The following SLC26A11 variants were observed in gnomAD, a reference collection of about 807,000 sequenced individuals.
SLC26A11 encodes sodium-independent sulfate anion transporter.
SLC26A11 carries 58 observed loss-of-function variants against 62.2 expected under a neutral mutation model. That is an observed-to-expected ratio of 0.93 (90% CI 0.76 to 1.16). The LOEUF is 1.16. SLC26A11 is among the 50% of genes most tolerant of loss of function. The pLI is 0.00. For missense variants in SLC26A11, 790 were observed against 794.3 expected (o/e 0.99, Z 0.06); for synonymous variants, 411 against 368.9 (o/e 1.11, Z -1.31).
At chr17:80,220,846 C>G (rs1046104768) in intron 1 of SLC26A11, 70 bp from the exon 2 acceptor site, 2 of 153,326 alleles carry the variant, frequency 1.3e-5, no homozygotes, top group African/African-American at 4.8e-5. Flanking sequence ...GGCGGCTCTG[C>G]GCGCGGGCGC....
chr17:80,229,981 A>G (rs952088094), intron 7 of SLC26A11, among the ~76,000 whole-genome samples: 22 of 152,088 alleles, frequency 1.4e-4, no homozygotes, highest in Non-Finnish European at 3.2e-4. Flanking sequence ...AGGGAGGCAG[A>G]TCACCTGAGG....
Position 80,227,891 on chromosome 17 carries a change from C to G in SLC26A11, c.667C>G (p.Pro223Ala). ...GCTGAAGCTGATGCGGGACCACGTGCCTCCCGTCCACCCCGAGATGCCCCC... is the reference window on the plus strand; with the variant it reads ...GCTGAAGCTGATGCGGGACCACGTGGCTCCCGTCCACCCCGAGATGCCCCC... ...LVLKLMRDHVPPVHPEMPPGV... is the reference protein window; with the variant it reads ...LVLKLMRDHVAPVHPEMPPGV... The change falls in exon 7 of 18, where the codon CCT becomes GCT. Residue 223 changes from proline (P) to alanine (A), a missense_variant. Physicochemically the swap from Pro to Ala is conservative, Grantham distance 27 (BLOSUM62 -1). Coordinates refer to ENST00000361193, the MANE Select transcript of SLC26A11 (RefSeq NM_001166347.2). The G allele has an allele frequency of 1.2e-6, 2 of 1,601,942 alleles. No individual in the cohort carries two copies. The highest frequency in any genetic ancestry group is 2.7e-5 in the African/African-American group (2 of 75,004).
At position 80,222,651 on chromosome 17, in the gene SLC26A11, A is replaced by C; in HGVS notation, c.235-4A>C. On this transcript the variant is annotated splice_polypyrimidine_tract_variant and splice_region_variant and intron_variant, in intron 3 of 17. Transcript: ENST00000361193. This position sits in a 1 kb window ranked among gnomAD's most constrained non-coding sequence, Gnocchi z 4.7. Reference sequence around the variant, plus strand: ...TGAGTGCTCACCACCCTCTCTCCCCACAGTATGGCCTCTACTCTGCCTTCA... The same window carrying C: ...TGAGTGCTCACCACCCTCTCTCCCCCCAGTATGGCCTCTACTCTGCCTTCA... The C allele has an allele frequency of 6.2e-7, 1 of 1,613,230 alleles. No homozygotes were observed.
chr17:80,238,332 A>G (rs2042755608), intron 9 of SLC26A11, among the ~76,000 whole-genome samples: 1 of 152,190 alleles, frequency 6.6e-6, no homozygotes, highest in Admixed American at 6.5e-5. Context: ...CAGCCTGGGC[A>G]GCAGAACAAG....
At chr17:80,224,404 A>G (rs886910788) in intron 5 of SLC26A11, among the ~76,000 whole-genome samples, 3 of 124,888 alleles carry the variant, frequency 2.4e-5, no homozygotes, top group Non-Finnish European at 5.1e-5. Flanking sequence ...TATGAGTGTG[A>G]GAGTGAGTGT....
rs533069689 is a variant in SLC26A11 at position 80,224,370 on chromosome 17, AGT to A, written c.513+1035_513+1036del. 1.1e-3 allele frequency among the ~76,000 whole-genome samples: 111 copies of A among 97,748 alleles called. No homozygotes were observed. In the South Asian group the frequency reaches 0.027, roughly 24 times the overall value. The allele number at this position is 97,748 out of a possible 152,430, so 64.1% of individuals were successfully genotyped here. ...GTGGGTGTGGGTGTGAGGGAGTGTGAGTGCGCGCGCGCGTGTGTGAGTGTATG... is the reference window on the plus strand; with the variant it reads ...GTGGGTGTGGGTGTGAGGGAGTGTGAGCGCGCGCGCGTGTGTGAGTGTATG... On this transcript the variant is annotated intron_variant, in intron 5 of 17. Transcript: ENST00000361193.
chr17:80,247,433 C>T (rs2043036377), intron 13 of SLC26A11, among the ~76,000 whole-genome samples: 1 of 152,132 alleles, frequency 6.6e-6, no homozygotes, highest in Non-Finnish European at 1.5e-5. Context: ...GCAGAGGCGC[C>T]CCTCACCTCC....
chr17:80,241,957 G>T, intron 10 of SLC26A11, 136 bp downstream of exon 10: 1 of 935,884 alleles, frequency 1.1e-6, no homozygotes. Context: ...GGCCCCAGAT[G>T]GGATCTTCTG....
chr17:80,221,809 C>G lies in SLC26A11; in HGVS notation c.234+15C>G, dbSNP rs770297668. Reference sequence around the variant, plus strand: ...TCCCGCCCCAGGTGAGGCGTCTGACCCTGCTGCCAGCCATATCTCAGAAAC... The same window carrying G: ...TCCCGCCCCAGGTGAGGCGTCTGACGCTGCTGCCAGCCATATCTCAGAAAC... On this transcript the variant is annotated intron_variant, in intron 3 of 17. Transcript: ENST00000361193. The G allele has an allele frequency of 3.1e-6, 5 of 1,601,088 alleles. No individual in the cohort carries two copies. The African/African-American group carries it at 5.3e-5, about 17-fold the overall frequency.
At chr17:80,242,950 G>A (rs1211805708) in intron 10 of SLC26A11, among the ~76,000 whole-genome samples, 2 of 151,980 alleles carry the variant, frequency 1.3e-5, no homozygotes, top group African/African-American at 2.4e-5. Flanking sequence ...CTCGTGATCC[G>A]CCTGCCTTGG....
At chr17:80,242,377 T>C (rs148498619) in intron 10 of SLC26A11, among the ~76,000 whole-genome samples, 2 of 152,328 alleles carry the variant, frequency 1.3e-5, no homozygotes, top group Middle Eastern at 3.4e-3. Flanking sequence ...CTACCACTTA[T>C]TGAGCACCTG....
At chr17:80,221,865 A>C in intron 3 of SLC26A11, 71 bp downstream of exon 3, 1 of 1,411,902 alleles carries the variant, frequency 7.1e-7, no homozygotes, top group Non-Finnish European at 9.5e-7. Flanking sequence ...AATCCCAGAC[A>C]CCATCAGCGA....
chr17:80,248,723 G>GC (rs1280223019), intron 15 of SLC26A11, 49 bp downstream of exon 15: 2 of 1,507,188 alleles, frequency 1.3e-6, no homozygotes, highest in Non-Finnish European at 9.0e-7. Flanking sequence ...CCTGTCCTCT[G>GC]CCCCCCACTC....
At chr17:80,250,454 C>T (rs1181920721) in intron 16 of SLC26A11, among the ~76,000 whole-genome samples, 1 of 152,200 alleles carries the variant, frequency 6.6e-6, no homozygotes, top group Non-Finnish European at 1.5e-5. Context: ...TGGGCATGTG[C>T]CTTCAGAACT....
intron 6 of SLC26A11, 28 bp from the exon 7 acceptor site, chr17:80,227,790 T>C: frequency 1.2e-6 from 2 of 1,600,554 alleles, no homozygotes; most frequent in South Asian, 2.2e-5. Context: ...CCGAGCTGGG[T>C]GGTGACCAGT....
At chr17:80,238,944 G>A (rs1280025537) in intron 9 of SLC26A11, among the ~76,000 whole-genome samples, 1 of 149,996 alleles carries the variant, frequency 6.7e-6, no homozygotes, top group Admixed American at 6.7e-5. Context: ...TCATGCCTCA[G>A]TCTCCCAGGT....
chr17:80,237,653 C>T, intron 9 of SLC26A11, 59 bp downstream of exon 9: 3 of 1,525,178 alleles, frequency 2.0e-6, no homozygotes, highest in Admixed American at 1.9e-5. Context: ...GCTAGGCCTG[C>T]CTGCTTTCTA....
intron 5 of SLC26A11, among the ~76,000 whole-genome samples, chr17:80,224,304 TGTGTGA>T (rs1346799776): frequency 1.2e-4 from 17 of 141,702 alleles, no homozygotes; most frequent in African/African-American, 4.9e-4. Context: ...TGTGCGTGTG[TGTGTGA>T]GAGAGTGTGA....
chr17:80,238,833 T>G (rs1260814065), intron 9 of SLC26A11, among the ~76,000 whole-genome samples: 2 of 144,264 alleles, frequency 1.4e-5, no homozygotes, highest in African/African-American at 2.6e-5. Context: ...TTTTGTTTTT[T>G]TTTTTTTTTG....
Sources: allele counts gnomAD v4.1 joint callset (sites outside exome capture counted in the v4.1 genomes callset), GRCh38; gene constraint gnomAD v4.1.1; non-coding constraint Gnocchi (gnomAD v3.1); transcripts MANE v1.5; gene names NCBI Gene and HGNC (gene_info 2026-07-23, HGNC 2026-07-21).